CHFR: variants seen among roughly 807,000 people sequenced by gnomAD.
CHFR encodes the protein checkpoint with forkhead and ring finger domains.
A neutral mutation model predicts 87.6 loss-of-function variants in CHFR; 57 were observed. The ratio of observed to expected loss-of-function variants is 0.65; its 90% CI spans 0.53 to 0.81. CHFR has a LOEUF of 0.81. CHFR is among the 30% of genes least tolerant of loss of function. CHFR has a pLI of 0.00. For missense variants in CHFR, 797 were observed against 865.8 expected (o/e 0.92, Z 1.00); for synonymous variants, 381 against 359.2 (o/e 1.06, Z -0.69).
intron 14 of CHFR, 75 bp downstream of exon 14, chr12:132,848,010 G>C: frequency 1.2e-6 from 2 of 1,608,456 alleles, no homozygotes; most frequent in Non-Finnish European, 1.7e-6. Flanking sequence ...AACACCAATA[G>C]AATGCAGAGA....
Position 132,861,449 on chromosome 12 carries a change from A to C in CHFR, c.751+18T>G, listed in dbSNP as rs1458234485. 4 of 1,612,592 alleles carry C rather than the reference A, an allele frequency of 2.5e-6. No individual in the cohort carries two copies. The highest frequency in any genetic ancestry group is 2.5e-6 in the Non-Finnish European group (3 of 1,178,806). ...GAGCACACGAGAGGACTGAGGACAC[A>C]CACAACCAGACACTAACCTCCTCTC... On this transcript the variant is annotated intron_variant, in intron 7 of 17. Coordinates refer to ENST00000450056, the MANE Select transcript of CHFR (RefSeq NM_001161346.2).
chr12:132,858,446 T>TCCA (rs1951134518), intron 8 of CHFR, among the ~76,000 whole-genome samples: 1 of 151,810 alleles, frequency 6.6e-6, no homozygotes, highest in Non-Finnish European at 1.5e-5. Flanking sequence ...GCAGGGTGGC[T>TCCA]GGGAGTAGTG....
At chr12:132,855,462 C>T (rs1012573539) in intron 10 of CHFR, among the ~76,000 whole-genome samples, 1 of 151,558 alleles carries the variant, frequency 6.6e-6, no homozygotes, top group Non-Finnish European at 1.5e-5. Context: ...GTCAGGAGAT[C>T]AAGGCCATCC....
chr12:132,860,371 T>C, intron 7 of CHFR, among the ~76,000 whole-genome samples: 1 of 152,092 alleles, frequency 6.6e-6, no homozygotes, highest in Admixed American at 6.5e-5. Flanking sequence ...AGCCAAGTAG[T>C]TTACTAGATT....
At chr12:132,851,830 G>T in intron 11 of CHFR, 93 bp from the exon 12 acceptor site, 1 of 1,444,298 alleles carries the variant, frequency 6.9e-7, no homozygotes, top group Non-Finnish European at 9.3e-7. Flanking sequence ...GCGAGGAGAG[G>T]TGCACCTGAG....
At chr12:132,856,789 G>C in intron 9 of CHFR, 159 bp from the exon 10 acceptor site, 2 of 822,550 alleles carry the variant, frequency 2.4e-6, no homozygotes, top group Non-Finnish European at 4.2e-6. Context: ...CTGCCCTCAC[G>C]TGCCCAGGTG....
chr12:132,857,039 C>A (rs532332282), intron 9 of CHFR, among the ~76,000 whole-genome samples: 2 of 111,642 alleles, frequency 1.8e-5, no homozygotes, highest in African/African-American at 3.6e-5. Context: ...GGAGGGACCA[C>A]CCTCACGTGC....
At position 132,832,657 on chromosome 12, in the gene CHFR, ATTAAAT is replaced by A. The variant is rs1950625087; in HGVS notation, c.*8891_*8896del. On this transcript the variant is annotated 3_prime_UTR_variant, in exon 18 of 18. Transcript: ENST00000450056. The stretch of plus-strand genomic sequence containing the variant: ...ATTTAGCAAGCAAAATGTGACAAAC[ATTAAAT>A]TTAAATACAGTTAGAAACAATGAAT... 1 of 152,262 alleles carries A rather than the reference ATTAAAT, an allele frequency of 6.6e-6. No homozygotes were observed. Among genetic ancestry groups the A allele is most frequent in the Admixed American group, 6.5e-5 (1 of 15,284 alleles). 9.4% of individuals were successfully genotyped at this position (152,262 alleles called of 1,614,324 possible). A position where few individuals can be genotyped will look rare whatever the true frequency, so the allele number is the denominator to read the frequency against.
chr12:132,858,015 C>G (rs1414201575), intron 8 of CHFR, among the ~76,000 whole-genome samples: 1 of 152,214 alleles, frequency 6.6e-6, no homozygotes, highest in Admixed American at 6.5e-5. Context: ...GGGTCTACAG[C>G]CTCCGGCTCT....
At chr12:132,846,314 G>A (rs1365175343) in intron 15 of CHFR, among the ~76,000 whole-genome samples, 2 of 150,148 alleles carry the variant, frequency 1.3e-5, no homozygotes, top group Non-Finnish European at 2.9e-5. Flanking sequence ...CCAGGCTGGA[G>A]TGCAGTGGCG....
chr12:132,876,957 G>A (rs1348459467), intron 3 of CHFR, among the ~76,000 whole-genome samples: 5 of 152,192 alleles, frequency 3.3e-5, no homozygotes, highest in African/African-American at 1.2e-4. Flanking sequence ...ACAACGCCCG[G>A]CTAATTTTTA....
chr12:132,874,745 G>A (rs1262107764), intron 3 of CHFR, among the ~76,000 whole-genome samples: 1 of 148,514 alleles, frequency 6.7e-6, no homozygotes, highest in East Asian at 2.0e-4. Flanking sequence ...ACCCAGCGCG[G>A]GGAAGCCAGG....
At position 132,834,019 on chromosome 12, in the gene CHFR, A is replaced by AG. The variant is rs1350393520; in HGVS notation, c.*7534dup. ...AGTGAGGTGAGGGGGCAACAATCAG[A>AG]GCCACAAGAAGCCCCTGAAGAGAAG... On this transcript the variant is annotated 3_prime_UTR_variant, in exon 18 of 18. Transcript: ENST00000450056. The AG allele has an allele frequency of 6.6e-6, 1 of 152,522 alleles. No homozygotes were observed. Among genetic ancestry groups the AG allele is most frequent in the South Asian group, 2.1e-4 (1 of 4,826 alleles). 9.4% of individuals were successfully genotyped at this position (152,522 alleles called of 1,614,324 possible). A position where few individuals can be genotyped will look rare whatever the true frequency, so the allele number is the denominator to read the frequency against.
chr12:132,834,995 G>C lies in CHFR; in HGVS notation c.*6559C>G, dbSNP rs537485763. 1 of 152,428 alleles carries C rather than the reference G, an allele frequency of 6.6e-6. No individual in the cohort carries two copies. Among genetic ancestry groups the C allele is most frequent in the East Asian group, 1.9e-4 (1 of 5,176 alleles). The allele number at this position is 152,428 out of a possible 1,614,324, so 9.4% of individuals were successfully genotyped here. On this transcript the variant is annotated 3_prime_UTR_variant, in exon 18 of 18. Coordinates refer to ENST00000450056, the MANE Select transcript of CHFR (RefSeq NM_001161346.2). Reference sequence around the variant, plus strand: ...GCCTCCCAAAGTGCTGGGAGTACAGGCGTGAGCCACCACGCCCGGCCTCTT... The same window carrying C: ...GCCTCCCAAAGTGCTGGGAGTACAGCCGTGAGCCACCACGCCCGGCCTCTT...
chr12:132,869,939 T>G, intron 5 of CHFR, 141 bp from the exon 6 acceptor site: 109 of 968,480 alleles, frequency 1.1e-4, no homozygotes, highest in Non-Finnish European at 1.6e-4. Context: ...CCAGGCACGG[T>G]GGTGCAGGCC....
intron 6 of CHFR, chr12:132,866,378 G>A (rs893480713): frequency 4.0e-5 from 6 of 150,608 alleles, no homozygotes; most frequent in South Asian, 4.2e-4. Flanking sequence ...CCAACACACC[G>A]GAATGTTGGA....
chr12:132,863,595 C>A (rs984261279), intron 6 of CHFR, among the ~76,000 whole-genome samples: 1 of 152,124 alleles, frequency 6.6e-6, no homozygotes, highest in African/African-American at 2.4e-5. Flanking sequence ...TGCATAGCTT[C>A]CAACGGGTGG....
chr12:132,875,171 G>A (rs112083933), intron 3 of CHFR, among the ~76,000 whole-genome samples: 7 of 152,350 alleles, frequency 4.6e-5, no homozygotes, highest in Admixed American at 6.5e-5. Flanking sequence ...ACTAGGAAAC[G>A]GAGCATCAGT....
Position 132,857,479 on chromosome 12 carries a change from C to T in CHFR, c.992G>A (p.Arg331His), listed in dbSNP as rs146343801. The stretch of plus-strand genomic sequence containing the variant: ...TTTACAGATCCGCTCCACGGGACAG[C>T]GGCAGGTAGGACACAGGGACGAGCG... ...MERSSLCPTC[R>H]CPVERICKNH... Residue 331 changes from arginine (R) to histidine (H), a missense_variant, in exon 9 of 18, where the codon CGC (arginine) becomes CAC (histidine). Around this residue, in one of 2 missense-constraint regions of CHFR, gnomAD observed 597 missense variants for 601.2 expected, o/e 0.99. Coordinates refer to ENST00000450056, the MANE Select transcript of CHFR (RefSeq NM_001161346.2). 1.9e-5 allele frequency: 31 copies of T among 1,614,040 alleles called. No homozygotes were observed. The highest frequency in any genetic ancestry group is 2.3e-5 in the Non-Finnish European group (27 of 1,180,020).
Sources: gnomAD v4.1 joint callset for allele counts (sites outside exome capture counted in the v4.1 genomes callset) on GRCh38, gnomAD v4.1.1 for gene constraint, gnomAD v4.1.1 regional missense constraint, MANE v1.5 for transcripts, NCBI Gene and HGNC (gene_info 2026-07-23, HGNC 2026-07-21) for gene names.